Variants in PDHX observed in about 807,000 individuals in gnomAD.
PDHX encodes the protein pyruvate dehydrogenase complex component X.
Under a neutral mutation model 55.3 loss-of-function variants are expected in PDHX, and 33 were observed. The observed-to-expected ratio is 0.60, with a 90% CI of 0.45 to 0.80. PDHX has a LOEUF of 0.80. Among genes scored for constraint, PDHX ranks in the 30% least tolerant of loss-of-function variants. The probability of loss-of-function intolerance (pLI) is 0.00; values close to 1 mark genes in which losing one functional copy is unlikely to be tolerated. For synonymous variants in PDHX, 226 were observed against 219.4 expected (o/e 1.03, Z -0.27); for missense variants, 622 against 619.9 (o/e 1.00, Z -0.04).
intron 1 of PDHX, among the ~76,000 whole-genome samples, chr11:34,924,467 C>A (rs141317506): frequency 0.01 from 1,543 of 152,210 alleles, 33 homozygotes; most frequent in African/African-American, 0.034. Context: ...GTGATCCACC[C>A]GCCTCAGCCT....
chr11:34,968,586 T>G (rs1385584726), intron 6 of PDHX, among the ~76,000 whole-genome samples: 1 of 152,226 alleles, frequency 6.6e-6, no homozygotes, highest in Non-Finnish European at 1.5e-5. Context: ...TATTATCTCA[T>G]TCATACTTTC....
chr11:34,983,317 A>G (rs1189992795), intron 8 of PDHX, among the ~76,000 whole-genome samples: 1 of 152,178 alleles, frequency 6.6e-6, no homozygotes, highest in South Asian at 2.1e-4. Flanking sequence ...AGCTGATATC[A>G]TACTGAATAG....
chr11:34,922,553 G>A (rs143938621), intron 1 of PDHX, among the ~76,000 whole-genome samples: 200 of 152,232 alleles, frequency 1.3e-3, no homozygotes, highest in African/African-American at 4.4e-3. Context: ...GCATGCTGAC[G>A]TTTTAAAGTT....
At chr11:34,936,898 T>G (rs1030760606) in intron 2 of PDHX, among the ~76,000 whole-genome samples, 3 of 151,184 alleles carry the variant, frequency 2.0e-5, no homozygotes, top group African/African-American at 7.3e-5. Flanking sequence ...ACGTGAGTCT[T>G]GTGCCTCAGC....
chr11:34,968,136 G>T (rs1855174352), intron 6 of PDHX, among the ~76,000 whole-genome samples: 1 of 151,882 alleles, frequency 6.6e-6, no homozygotes, highest in Non-Finnish European at 1.5e-5. Context: ...GCTGGATGTG[G>T]TAGTGTGTGC....
At chr11:34,987,466 G>GGA (rs1012397342) in intron 9 of PDHX, among the ~76,000 whole-genome samples, 9 of 151,992 alleles carry the variant, frequency 5.9e-5, no homozygotes, top group South Asian at 2.1e-4. Flanking sequence ...GTAGTTTACA[G>GGA]GAGAGAGAGA....
chr11:34,968,471 G>A lies in PDHX; in HGVS notation c.816+1657G>A, dbSNP rs116082686. On this transcript the variant is annotated intron_variant, in intron 6 of 10. Transcript: ENST00000227868. ...GATTGTAATGAAATCCCAAAATAGA[G>A]TGAAGGACAAGAAAGGAATTAGATA... is the stretch of plus-strand genomic sequence containing the variant. Among the ~76,000 whole-genome samples, 1,123 of 152,190 alleles carry A rather than the reference G, an allele frequency of 7.4e-3. 16 individuals are homozygous for A. Among genetic ancestry groups the A allele is most frequent in the African/African-American group, 0.026 (1,078 of 41,524 alleles).
intron 7 of PDHX, among the ~76,000 whole-genome samples, chr11:34,972,291 T>TGAAAA (rs1457311327): frequency 6.6e-6 from 1 of 152,104 alleles, no homozygotes; most frequent in African/African-American, 2.4e-5. Flanking sequence ...TTTCTTAAGG[T>TGAAAA]GAAAAGTTGG....
chr11:34,970,399 T>C, intron 7 of PDHX, 113 bp downstream of exon 7: 1 of 895,432 alleles, frequency 1.1e-6, no homozygotes, highest in Non-Finnish European at 1.8e-6. Context: ...AATTTCAATT[T>C]CATAATGTAC....
chr11:34,969,290 A>G (rs1800808862), intron 6 of PDHX, among the ~76,000 whole-genome samples: 1 of 151,552 alleles, frequency 6.6e-6, no homozygotes, highest in Non-Finnish European at 1.5e-5. Context: ...GGGCAACTAT[A>G]TATTAATAGT....
At chr11:34,915,951 A>C (rs1283541817), upstream of PDHX, 47 of 554,924 alleles carry the variant, frequency 8.5e-5, no homozygotes, top group Admixed American at 4.2e-4. Context: ...GAGGTCACCT[A>C]AACGCTCTCC....
intron 9 of PDHX, among the ~76,000 whole-genome samples, chr11:34,989,652 G>T (rs1160423449): frequency 6.6e-6 from 1 of 152,114 alleles, no homozygotes; most frequent in Non-Finnish European, 1.5e-5. Context: ...CACTTGGCTG[G>T]CTTTTTTTCA....
chr11:34,920,739 T>C lies in PDHX; in HGVS notation c.160+3924T>C, dbSNP rs556188352. The stretch of plus-strand genomic sequence containing the variant: ...CCCTTGGTATTTGCATCACCTCTAG[T>C]TGTCATTTTTTTTTCTTGTACTCTT... On this transcript the variant is annotated intron_variant, in intron 1 of 10. Coordinates refer to ENST00000227868, the MANE Select transcript of PDHX (RefSeq NM_003477.3). 5.3e-5 allele frequency among the ~76,000 whole-genome samples: 8 copies of C among 152,304 alleles called. No homozygotes were observed. The South Asian group carries it at 8.3e-4, about 16-fold the overall frequency.
intron 3 of PDHX, among the ~76,000 whole-genome samples, chr11:34,948,179 A>G (rs758690541): frequency 1.6e-4 from 24 of 152,328 alleles, no homozygotes; most frequent in Non-Finnish European, 3.4e-4. Flanking sequence ...GAGAGTACAT[A>G]TATGCTCATC....
Position 34,968,277 on chromosome 11 carries a change from A to AT in PDHX, c.816+1463_816+1464insT, listed in dbSNP as rs1172783718. ...CCCTATCTCAAAAAAAAAAAAAAAAAGTTATTCAAATTAAGGAGGTAAACC... is the reference window on the plus strand; with the variant it reads ...CCCTATCTCAAAAAAAAAAAAAAAAATGTTATTCAAATTAAGGAGGTAAACC... On this transcript the variant is annotated intron_variant, in intron 6 of 10. Coordinates refer to ENST00000227868, the MANE Select transcript of PDHX (RefSeq NM_003477.3). Among the ~76,000 whole-genome samples, 12 of 151,446 alleles carry AT rather than the reference A, an allele frequency of 7.9e-5. No homozygotes were observed. The East Asian group carries it at 1.9e-3, about 24-fold the overall frequency.
intron 1 of PDHX, among the ~76,000 whole-genome samples, chr11:34,929,429 A>G (rs147791930): frequency 7.9e-4 from 121 of 152,266 alleles, no homozygotes; most frequent in African/African-American, 2.6e-3. Context: ...GGGTTTCGCC[A>G]TGTTGGCCAG....
Position 34,996,076 on chromosome 11 carries a change from G to A in PDHX, c.*904G>A, listed in dbSNP as rs182283782. The A allele has an allele frequency of 6.6e-6, 1 of 152,074 alleles. No homozygotes were observed. The highest frequency in any genetic ancestry group is 2.4e-5 in the African/African-American group (1 of 41,444). 9.4% of individuals were successfully genotyped at this position (152,074 alleles called of 1,614,324 possible). Reference sequence around the variant, plus strand: ...GTGAGAAAATATAAACATTTCTATTGTATTTTAAATGTTAAAACACAAAAG... The same window carrying A: ...GTGAGAAAATATAAACATTTCTATTATATTTTAAATGTTAAAACACAAAAG... On this transcript the variant is annotated 3_prime_UTR_variant, in exon 11 of 11. Transcript: ENST00000227868.
At chr11:34,925,129 T>C (rs1318129840) in intron 1 of PDHX, among the ~76,000 whole-genome samples, 1 of 152,278 alleles carries the variant, frequency 6.6e-6, no homozygotes, top group Non-Finnish European at 1.5e-5. Flanking sequence ...CGGTATGTAA[T>C]AGCTTCTCCA....
chr11:34,926,937 T>C (rs1854037279), intron 1 of PDHX, among the ~76,000 whole-genome samples: 1 of 152,070 alleles, frequency 6.6e-6, no homozygotes, highest in Non-Finnish European at 1.5e-5. Flanking sequence ...GGTAAATTGC[T>C]CATGTAGCAG....
Sources: gnomAD v4.1 joint callset for allele counts (sites outside exome capture counted in the v4.1 genomes callset) on GRCh38, gnomAD v4.1.1 for gene constraint, MANE v1.5 for transcripts, NCBI Gene and HGNC (gene_info 2026-07-23, HGNC 2026-07-21) for gene names.